Variants in PIGN observed in about 807,000 individuals in gnomAD.
PIGN encodes GPI ethanolamine phosphate transferase 1.
Under a neutral mutation model 125.4 loss-of-function variants are expected in PIGN, and 117 were observed. That is an observed-to-expected ratio of 0.93 (90% confidence interval 0.80 to 1.09). The LOEUF is 1.09. Ranked by LOEUF, PIGN falls within the 50% of genes least tolerant of loss-of-function variation. The pLI, the probability that PIGN is intolerant of heterozygous loss-of-function variation, is 0.00. For missense variants in PIGN, 1,075 were observed against 1,094.9 expected (o/e 0.98, Z 0.26); for synonymous variants, 392 against 377.8 (o/e 1.04, Z -0.44).
chr18:62,145,219 T>C (rs1286610017), intron 10 of PIGN, among the ~76,000 whole-genome samples: 1 of 152,204 alleles, frequency 6.6e-6, no homozygotes. Context: ...TTCTTTTTCT[T>C]TCATGCTTAA....
intron 8 of PIGN, 95 bp downstream of exon 8, chr18:62,148,119 T>C (rs774590284): frequency 2.2e-6 from 2 of 924,014 alleles, no homozygotes; most frequent in Non-Finnish European, 3.2e-6. Context: ...AAATATTAGC[T>C]CTGTTGTTAT....
rs536179269 is a variant in PIGN at position 62,152,237 on chromosome 18, G to T, written c.549+2308C>A. Among the ~76,000 whole-genome samples the T allele has an allele frequency of 2.0e-5, 3 of 152,216 alleles. No homozygotes were observed. In the South Asian group the frequency reaches 6.2e-4, roughly 32 times the overall value. The stretch of plus-strand genomic sequence containing the variant: ...ATTGTGGAATCCAAAGTTCTTATTT[G>T]CAGAGGAACCCTTCAGATAGTAGGC... On this transcript the variant is annotated intron_variant, in intron 7 of 30. Coordinates refer to ENST00000640252, the MANE Select transcript of PIGN (RefSeq NM_176787.5).
intron 23 of PIGN, among the ~76,000 whole-genome samples, chr18:62,026,774 AG>A (rs1407010627): frequency 6.6e-6 from 1 of 152,208 alleles, no homozygotes; most frequent in Non-Finnish European, 1.5e-5. Context: ...CAGACATATC[AG>A]AAGTTCCCAG....
chr18:62,088,833 T>A lies in PIGN; in HGVS notation c.2293A>T (p.Ile765Phe). 6.5e-7 allele frequency: 1 copy of A among 1,538,354 alleles called. No individual in the cohort carries two copies. The highest frequency in any genetic ancestry group is 1.2e-5 in the South Asian group (1 of 83,968). Reference protein sequence around the residue: ...GVCCKQKLTSIQFSYNTDITQ... With the variant: ...GVCCKQKLTSFQFSYNTDITQ... The stretch of plus-strand genomic sequence containing the variant: ...ATATCAGTATTATAAGAGAACTGGA[T>A]ACTGGTGAGCTGTGAGATAATAAGA... The change falls in exon 25 of 31, where the codon ATC becomes TTC. Residue 765 changes from isoleucine (I) to phenylalanine (F), a missense_variant. Physicochemically the swap from Ile to Phe is conservative, Grantham distance 21. Coordinates refer to ENST00000640252, the MANE Select transcript of PIGN (RefSeq NM_176787.5).
chr18:62,159,939 C>A (rs1323086788), intron 4 of PIGN, among the ~76,000 whole-genome samples: 1 of 152,094 alleles, frequency 6.6e-6, no homozygotes, highest in Admixed American at 6.5e-5. Context: ...CGGTGAAATC[C>A]CGTCTCTACC....
chr18:62,120,335 A>C (rs1246793432), intron 14 of PIGN, among the ~76,000 whole-genome samples: 2 of 152,226 alleles, frequency 1.3e-5, no homozygotes, highest in Non-Finnish European at 2.9e-5. Context: ...CTAGAATTTC[A>C]CTTGAAAAGA....
At chr18:62,160,749 T>C (rs1260138287) in intron 4 of PIGN, among the ~76,000 whole-genome samples, 1 of 152,192 alleles carries the variant, frequency 6.6e-6, no homozygotes, top group Non-Finnish European at 1.5e-5. Flanking sequence ...CCTCAGGTGA[T>C]CCCTGTGCCT....
intron 14 of PIGN, among the ~76,000 whole-genome samples, chr18:62,129,970 T>C (rs1331273965): frequency 6.6e-6 from 1 of 152,140 alleles, no homozygotes; most frequent in African/African-American, 2.4e-5. Flanking sequence ...GTGACTGGTG[T>C]CCTTGAGAGG....
At chr18:62,138,147 CT>C in intron 14 of PIGN, 95 bp downstream of exon 14, 1 of 1,470,862 alleles carries the variant, frequency 6.8e-7, no homozygotes. Context: ...AAATGGCAAA[CT>C]GTATAAGTAA....
intron 30 of PIGN, among the ~76,000 whole-genome samples, chr18:62,048,747 A>G (rs1363441949): frequency 6.7e-6 from 1 of 150,336 alleles, no homozygotes; most frequent in Non-Finnish European, 1.5e-5. Context: ...ACATGTGCAC[A>G]ATGTGCAGGT....
chr18:62,147,243 T>G, intron 8 of PIGN, 142 bp from the exon 9 acceptor site: 20 of 1,034,380 alleles, frequency 1.9e-5, no homozygotes, highest in Non-Finnish European at 2.4e-5. Flanking sequence ...CAGAGTACTC[T>G]AGATTGTTAA....
chr18:62,059,167 G>A (rs1435664648), intron 30 of PIGN: 1 of 93,698 alleles, frequency 1.1e-5, no homozygotes, highest in Non-Finnish European at 1.9e-5. Flanking sequence ...CTGAGACCCT[G>A]TCTCAAAAAA....
intron 28 of PIGN, among the ~76,000 whole-genome samples, chr18:62,079,526 T>C (rs994333601): frequency 4.6e-5 from 7 of 152,126 alleles, no homozygotes; most frequent in Non-Finnish European, 8.8e-5. Context: ...TTTCATAGAA[T>C]ACAAAAAATC....
chr18:62,084,542 T>G lies in PIGN; in HGVS notation c.2491A>C (p.Met831Leu). The G allele has an allele frequency of 1.3e-6, 2 of 1,547,256 alleles. No homozygotes were observed. Among genetic ancestry groups the G allele is most frequent in the Non-Finnish European group, 1.8e-6 (2 of 1,142,114 alleles). Residue 831 changes from methionine to leucine, a missense_variant, in exon 27 of 31, where the codon ATG (methionine) becomes CTG (leucine). This residue lies in a region of PIGN where 915 missense variants were observed against 908.7 expected (regional missense o/e 1.01). Transcript: ENST00000640252. ...VFSPFMMGAL[M>L]MWKILIPFVL... is the part of the protein sequence containing the mutation. ...ATAAGAAAACTAACCTTCCACATCA[T>G]CAGGGCTCCCATCATAAAAGGACTG...
intron 1 of PIGN, among the ~76,000 whole-genome samples, chr18:62,174,839 T>C (rs924928866): frequency 6.6e-6 from 1 of 151,258 alleles, no homozygotes; most frequent in South Asian, 2.1e-4. Context: ...AATTACTTAG[T>C]TCCTATAAAA....
At chr18:62,067,511 T>C (rs12458329) in intron 30 of PIGN, among the ~76,000 whole-genome samples, 78,138 of 151,776 alleles carry the variant, frequency 0.51, 21,987 homozygotes, top group East Asian at 0.71. Flanking sequence ...CCCCAAACAA[T>C]CAGTGGTCAA....
In PIGN at chr18:62,179,678, C is replaced by G. The variant is rs551782594; in HGVS notation, c.-236+7166G>C. 5.9e-5 allele frequency among the ~76,000 whole-genome samples: 9 copies of G among 152,190 alleles called. No individual in the cohort carries two copies. In the East Asian group the frequency reaches 1.7e-3, roughly 29 times the overall value. On this transcript the variant is annotated intron_variant, in intron 1 of 30. Coordinates refer to ENST00000640252, the MANE Select transcript of PIGN (RefSeq NM_176787.5). ...GGAGGATTGCTTGAACCCCGGAGAT[C>G]GAGGCTGCCAGTGAGCTGAGATCAC...
chr18:62,069,899 T>C (rs2032743949), intron 30 of PIGN: 1 of 152,188 alleles, frequency 6.6e-6, no homozygotes. Flanking sequence ...AAAAGTCTCA[T>C]AAACAAAATA....
chr18:62,020,151 TA>T (rs1258959612), intron 23 of PIGN, among the ~76,000 whole-genome samples: 6 of 152,198 alleles, frequency 3.9e-5, no homozygotes, highest in African/African-American at 1.4e-4. Context: ...AGAGTTGAAC[TA>T]CCGGAGCCTG....
Sources: allele counts gnomAD v4.1 joint callset (sites outside exome capture counted in the v4.1 genomes callset), GRCh38; gene constraint gnomAD v4.1.1; regional missense constraint gnomAD v4.1.1; transcripts MANE v1.5; gene names NCBI Gene and HGNC (gene_info 2026-07-23, HGNC 2026-07-21).